BTBD9: variants seen among roughly 807,000 people sequenced by gnomAD.
BTBD9 encodes the protein BTB/POZ domain-containing protein 9.
Under a neutral mutation model 64.3 loss-of-function variants are expected in BTBD9, and 49 were observed. The ratio of observed to expected loss-of-function variants is 0.76; its 90% CI spans 0.61 to 0.97. The LOEUF (loss-of-function observed/expected upper bound fraction) is 0.97, where lower values mean the gene tolerates loss of function less well. BTBD9 is among the 50% of genes least tolerant of loss of function. The pLI is 0.00. For synonymous variants in BTBD9, 260 were observed against 274.7 expected, an observed-to-expected ratio of 0.95 and a Z score of 0.53; for missense variants, 598 against 762.1, an observed-to-expected ratio of 0.78 and a Z score of 2.53.
At chr6:38,587,890 C>T (rs1776612767) in intron 4 of BTBD9, 3 of 723,102 alleles carry the variant, frequency 4.1e-6, no homozygotes, top group South Asian at 4.1e-5. Flanking sequence ...CGGCATTTGG[C>T]TTAACAGATG....
intron 1 of BTBD9, among the ~76,000 whole-genome samples, chr6:38,606,295 AT>A (rs1777431110): frequency 6.6e-6 from 1 of 152,130 alleles, no homozygotes; most frequent in African/African-American, 2.4e-5. Flanking sequence ...TCCCCTTCAT[AT>A]ATACATCTAT....
At chr6:38,403,666 T>A (rs1265871667) in intron 6 of BTBD9, among the ~76,000 whole-genome samples, 1 of 152,240 alleles carries the variant, frequency 6.6e-6, no homozygotes, top group Non-Finnish European at 1.5e-5. Context: ...GAAAACAGTC[T>A]GGCAGATCGT....
At chr6:38,313,747 C>CTTTCTTTTT (rs1762930774) in intron 7 of BTBD9, among the ~76,000 whole-genome samples, 1 of 128,908 alleles carries the variant, frequency 7.8e-6, no homozygotes, top group Non-Finnish European at 1.7e-5. Context: ...GATGAATTAT[C>CTTTCTTTTT]TTTTTTTTTT....
intron 6 of BTBD9, among the ~76,000 whole-genome samples, chr6:38,509,373 A>C (rs755736717): frequency 5.3e-5 from 8 of 152,254 alleles, no homozygotes; most frequent in Admixed American, 1.3e-4. Context: ...CTATAAGTAA[A>C]GAATGGCAGC....
At chr6:38,589,662 C>A (rs1279147388) in intron 4 of BTBD9, among the ~76,000 whole-genome samples, 1 of 152,196 alleles carries the variant, frequency 6.6e-6, no homozygotes. Flanking sequence ...ACAAATCAGA[C>A]AGACAATATG....
chr6:38,489,874 T>G (rs939645659), intron 6 of BTBD9, among the ~76,000 whole-genome samples: 4 of 152,264 alleles, frequency 2.6e-5, no homozygotes, highest in Non-Finnish European at 4.4e-5. Flanking sequence ...GAAAAGATTT[T>G]AACCTTTTCT....
At chr6:38,612,819 A>G (rs1777656023) in intron 1 of BTBD9, 1 of 152,220 alleles carries the variant, frequency 6.6e-6, no homozygotes, top group Non-Finnish European at 1.5e-5. Context: ...CAGACACAAG[A>G]ATTACTACTC....
chr6:38,471,510 A>G (rs1329100100), intron 6 of BTBD9, among the ~76,000 whole-genome samples: 1 of 152,186 alleles, frequency 6.6e-6, no homozygotes, highest in Non-Finnish European at 1.5e-5. Context: ...AAATATAGGT[A>G]ACAAGTCTAA....
intron 7 of BTBD9, among the ~76,000 whole-genome samples, chr6:38,293,130 G>T (rs1762023963): frequency 6.6e-6 from 1 of 152,042 alleles, no homozygotes; most frequent in Non-Finnish European, 1.5e-5. Flanking sequence ...GTGCAGTTTT[G>T]AGTGAGTTTC....
intron 6 of BTBD9, among the ~76,000 whole-genome samples, chr6:38,441,925 A>G (rs1459107091): frequency 6.6e-6 from 1 of 152,230 alleles, no homozygotes; most frequent in Non-Finnish European, 1.5e-5. Flanking sequence ...ACTAGAAAGT[A>G]CAGAGCTGAG....
At chr6:38,598,260 T>C in intron 1 of BTBD9, 139 bp from the exon 2 acceptor site, 2 of 605,448 alleles carry the variant, frequency 3.3e-6, no homozygotes, top group Non-Finnish European at 2.8e-6. Flanking sequence ...GGTATCCTTA[T>C]TAACCCATTT....
At chr6:38,584,292 C>T (rs927125057) in intron 4 of BTBD9, among the ~76,000 whole-genome samples, 1 of 152,204 alleles carries the variant, frequency 6.6e-6, no homozygotes, top group Non-Finnish European at 1.5e-5. Context: ...CATGCCACTG[C>T]ACTCCAGCCT....
At chr6:38,268,857 C>T (rs1348387808) in intron 8 of BTBD9, among the ~76,000 whole-genome samples, 1 of 152,194 alleles carries the variant, frequency 6.6e-6, no homozygotes, top group Non-Finnish European at 1.5e-5. Context: ...TCTCCCTTGG[C>T]GAACTTACTA....
At chr6:38,354,531 T>C (rs1020569139) in intron 6 of BTBD9, among the ~76,000 whole-genome samples, 5 of 152,200 alleles carry the variant, frequency 3.3e-5, no homozygotes, top group Non-Finnish European at 7.4e-5. Flanking sequence ...CTACAAGCTA[T>C]GTAAAGAAAC....
rs545231450 is a variant in BTBD9, at chr6:38,359,165, A to G, written c.1155-14072T>C. Among the ~76,000 whole-genome samples, 191 of 152,346 alleles carry G rather than the reference A, an allele frequency of 1.3e-3. 1 individual carries two copies. The highest frequency in any genetic ancestry group is 4.4e-3 in the African/African-American group (184 of 41,590). On this transcript the variant is annotated intron_variant, in intron 6 of 10. Coordinates refer to ENST00000481247, the MANE Select transcript of BTBD9 (RefSeq NM_001099272.2). ...TGCCTGGAACTGTCCTGGTTTTAGC[A>G]CTAAACATCTCCTATCCTAGGAAAC...
At chr6:38,384,947 G>A (rs1391618979) in intron 6 of BTBD9, among the ~76,000 whole-genome samples, 2 of 151,722 alleles carry the variant, frequency 1.3e-5, no homozygotes, top group African/African-American at 4.8e-5. Context: ...TCTGTCATTT[G>A]GCTTCAGCCT....
chr6:38,549,380 C>T (rs908104506), intron 6 of BTBD9, among the ~76,000 whole-genome samples: 4 of 152,192 alleles, frequency 2.6e-5, no homozygotes, highest in Non-Finnish European at 4.4e-5. Context: ...GGCATTGCCC[C>T]AAGTCTTAGG....
At chr6:38,296,961 G>A (rs752462032) in intron 7 of BTBD9, among the ~76,000 whole-genome samples, 9 of 152,160 alleles carry the variant, frequency 5.9e-5, no homozygotes, top group Non-Finnish European at 1.2e-4. Flanking sequence ...TCAAAAGAAT[G>A]TATATTCTCT....
At chr6:38,470,963 T>C (rs993122804) in intron 6 of BTBD9, among the ~76,000 whole-genome samples, 1 of 152,186 alleles carries the variant, frequency 6.6e-6, no homozygotes, top group South Asian at 2.1e-4. Flanking sequence ...AAAGAGCAGT[T>C]TTCCAAGATT....
Sources: allele counts gnomAD v4.1 joint callset (sites outside exome capture counted in the v4.1 genomes callset), GRCh38; gene constraint gnomAD v4.1.1; transcripts MANE v1.5; gene names NCBI Gene and HGNC (gene_info 2026-07-23, HGNC 2026-07-21).